Variants in AMPH observed in about 807,000 individuals in gnomAD.
AMPH encodes amphiphysin, also known as amphiphysin (Stiff-Mann syndrome with breast cancer 128kD autoantigen).
A neutral mutation model predicts 99.1 loss-of-function variants in AMPH; 49 were observed. That is an observed-to-expected ratio of 0.49 (90% CI 0.39 to 0.63). AMPH has a LOEUF of 0.63. AMPH is among the 20% of genes least tolerant of loss of function. AMPH has a pLI of 0.00. For missense variants in AMPH, 759 were observed against 863.4 expected (o/e 0.88, Z 1.52); for synonymous variants, 314 against 317.3 (o/e 0.99, Z 0.11).
At chr7:38,472,400 CA>C (rs1471315993) in intron 7 of AMPH, among the ~76,000 whole-genome samples, 1 of 151,952 alleles carries the variant, frequency 6.6e-6, no homozygotes, top group Non-Finnish European at 1.5e-5. Flanking sequence ...GAAAACAAAA[CA>C]AAACACCAAA....
intron 17 of AMPH, among the ~76,000 whole-genome samples, chr7:38,414,556 C>A (rs1251319211): frequency 6.6e-6 from 1 of 152,098 alleles, no homozygotes; most frequent in Non-Finnish European, 1.5e-5. Flanking sequence ...AAAATCTAAC[C>A]ATAATTAATT....
intron 17 of AMPH, among the ~76,000 whole-genome samples, chr7:38,400,357 A>G (rs1963818): frequency 6.6e-6 from 1 of 152,218 alleles, no homozygotes; most frequent in Non-Finnish European, 1.5e-5. Context: ...GGATTACAGG[A>G]ATGAGCCACC....
In AMPH at chr7:38,474,087, C is replaced by T. The variant is rs144471518; in HGVS notation, c.590+1244G>A. The stretch of plus-strand genomic sequence containing the variant: ...ACCATCATAATACACAACAGGATGA[C>T]GAGGGTTAGGGTGGGGACAGTGGGA... On this transcript the variant is annotated intron_variant, in intron 7 of 20. Coordinates refer to ENST00000356264, the MANE Select transcript of AMPH (RefSeq NM_001635.4). 5.7e-3 allele frequency among the ~76,000 whole-genome samples: 860 copies of T among 151,650 alleles called. 11 individuals carry two copies. Among genetic ancestry groups the T allele is most frequent in the Non-Finnish European group, 7.0e-3 (475 of 67,906 alleles).
chr7:38,399,513 G>C (rs188709786), intron 17 of AMPH, among the ~76,000 whole-genome samples: 1 of 152,176 alleles, frequency 6.6e-6, no homozygotes, highest in Admixed American at 6.5e-5. Context: ...ATCAAGGAAA[G>C]AGTAAAAAGG....
At chr7:38,429,519 C>T (rs1336231140) in intron 14 of AMPH, 2 of 1,379,410 alleles carry the variant, frequency 1.4e-6, no homozygotes, top group Non-Finnish European at 9.5e-7. Context: ...GGCCAACCCA[C>T]TGTCTGGAGT....
chr7:38,450,418 T>A (rs569576307), intron 11 of AMPH, among the ~76,000 whole-genome samples: 1 of 152,288 alleles, frequency 6.6e-6, no homozygotes, highest in African/African-American at 2.4e-5. Flanking sequence ...TGAGCACCTT[T>A]CTTACAGTTT....
chr7:38,454,112 G>T (rs1787141838), intron 11 of AMPH, among the ~76,000 whole-genome samples: 1 of 152,172 alleles, frequency 6.6e-6, no homozygotes, highest in Non-Finnish European at 1.5e-5. Flanking sequence ...TCAAGCCCCA[G>T]TTAATTTTAT....
chr7:38,499,643 T>C (rs1364480435), intron 3 of AMPH, among the ~76,000 whole-genome samples: 1 of 152,126 alleles, frequency 6.6e-6, no homozygotes, highest in African/African-American at 2.4e-5. Flanking sequence ...TGAGCCAGAG[T>C]TGTCCTTGGG....
chr7:38,435,268 C>T (rs984656036), intron 12 of AMPH, among the ~76,000 whole-genome samples: 3 of 152,152 alleles, frequency 2.0e-5, no homozygotes, highest in Non-Finnish European at 1.5e-5. Flanking sequence ...AGCCCAATCA[C>T]ATTCTAGAAA....
At chr7:38,491,391 A>G (rs1223037635) in intron 4 of AMPH, among the ~76,000 whole-genome samples, 1 of 152,238 alleles carries the variant, frequency 6.6e-6, no homozygotes, top group Admixed American at 6.5e-5. Context: ...ATTCTAAATT[A>G]CTAAAGAATG....
chr7:38,445,066 T>TATATACAC (rs1320375546), intron 11 of AMPH, among the ~76,000 whole-genome samples: 4,313 of 144,422 alleles, frequency 0.03, 295 homozygotes, highest in East Asian at 0.23. Context: ...TATATACATA[T>TATATACAC]ATATATACAC....
Position 38,574,983 on chromosome 7 carries a change from G to A in AMPH, c.70-39972C>T, listed in dbSNP as rs898468151. ...GCAGGAGTATCACTTGAACCCAGGAGGTGGAGTTTGTAGTGAGCCAAGATT... is the reference window on the plus strand; with the variant it reads ...GCAGGAGTATCACTTGAACCCAGGAAGTGGAGTTTGTAGTGAGCCAAGATT... On this transcript the variant is annotated intron_variant, in intron 1 of 20. Coordinates refer to ENST00000356264, the MANE Select transcript of AMPH (RefSeq NM_001635.4). Among the ~76,000 whole-genome samples, 6 of 150,494 alleles carry A rather than the reference G, an allele frequency of 4.0e-5. No individual in the cohort carries two copies. In the East Asian group the frequency reaches 1.2e-3, roughly 30 times the overall value.
intron 1 of AMPH, among the ~76,000 whole-genome samples, chr7:38,575,756 A>C (rs1222372612): frequency 6.6e-6 from 1 of 152,184 alleles, no homozygotes; most frequent in Non-Finnish European, 1.5e-5. Context: ...AGCAGCATGA[A>C]AATGGACTAA....
chr7:38,484,106 A>G (rs1788398868), intron 5 of AMPH, among the ~76,000 whole-genome samples: 2 of 152,140 alleles, frequency 1.3e-5, no homozygotes. Flanking sequence ...TAGTGAAAAC[A>G]GTTTAAGGGA....
intron 1 of AMPH, among the ~76,000 whole-genome samples, chr7:38,599,788 T>TC (rs1394614945): frequency 8.4e-5 from 10 of 119,082 alleles, no homozygotes; most frequent in Admixed American, 5.7e-4. Flanking sequence ...AATATTAAAT[T>TC]TGAAATATTT....
chr7:38,612,572 G>A (rs1485129910), intron 1 of AMPH, among the ~76,000 whole-genome samples: 1 of 152,162 alleles, frequency 6.6e-6, no homozygotes, highest in African/African-American at 2.4e-5. Flanking sequence ...TGAAAGAAGA[G>A]CGAGAGAGGA....
intron 11 of AMPH, among the ~76,000 whole-genome samples, chr7:38,455,106 T>G (rs766574641): frequency 3.6e-4 from 54 of 151,604 alleles, no homozygotes; most frequent in Admixed American, 1.3e-3. Flanking sequence ...TGAGATGGAG[T>G]TTTGCTCTCG....
intron 5 of AMPH, among the ~76,000 whole-genome samples, chr7:38,478,089 AAAC>A (rs1420259549): frequency 6.6e-6 from 1 of 151,146 alleles, no homozygotes; most frequent in Admixed American, 6.6e-5. Context: ...CAAACAAACA[AAAC>A]AACAACAACA....
At chr7:38,428,651 A>G (rs1432189866) in intron 14 of AMPH, 1 of 456,674 alleles carries the variant, frequency 2.2e-6, no homozygotes, top group Admixed American at 2.3e-5. Context: ...CATCTTCAAT[A>G]TTAGATACAG....
Sources: gnomAD v4.1 joint callset for allele counts (sites outside exome capture counted in the v4.1 genomes callset) on GRCh38, gnomAD v4.1.1 for gene constraint, MANE v1.5 for transcripts, NCBI Gene and HGNC (gene_info 2026-07-23, HGNC 2026-07-21) for gene names.